Variants in EPHA7 observed in about 807,000 individuals in gnomAD.
EPHA7 encodes ephrin type-A receptor 7.
Under a neutral mutation model 112.6 loss-of-function variants are expected in EPHA7, and 25 were observed. The observed-to-expected ratio is 0.22, with a 90% CI of 0.16 to 0.31. EPHA7 has a LOEUF of 0.31. EPHA7 is among the 10% of genes least tolerant of loss of function. The pLI is 1.00. For synonymous variants in EPHA7, 437 were observed against 406.5 expected (o/e 1.07, Z -0.90); for missense variants, 962 against 1,212.6 (o/e 0.79, Z 3.07).
At chr6:93,246,676 T>G (rs1769966163) in intron 15 of EPHA7, 116 bp downstream of exon 15, 1 of 783,674 alleles carries the variant, frequency 1.3e-6, no homozygotes, top group Non-Finnish European at 2.0e-6. Flanking sequence ...ACATTTAATA[T>G]GAGTTTATAC....
chr6:93,272,605 C>A (rs955959815), intron 5 of EPHA7, among the ~76,000 whole-genome samples, 183 bp from the exon 6 acceptor site: 1 of 151,758 alleles, frequency 6.6e-6, no homozygotes, highest in Admixed American at 6.6e-5. Context: ...GTTCATAAAC[C>A]TTAATAGAAA....
chr6:93,293,845 C>A (rs977070773), intron 5 of EPHA7, among the ~76,000 whole-genome samples: 1 of 152,110 alleles, frequency 6.6e-6, no homozygotes, highest in African/African-American at 2.4e-5. Context: ...TGATTCAGCC[C>A]TGGCATTGTA....
chr6:93,390,088 G>A (rs745339662), intron 3 of EPHA7, among the ~76,000 whole-genome samples: 9 of 151,820 alleles, frequency 5.9e-5, no homozygotes, highest in Non-Finnish European at 1.2e-4. Flanking sequence ...GCAGCATGCT[G>A]TCACTCAATG....
chr6:93,290,369 G>C (rs1159974562), intron 5 of EPHA7, among the ~76,000 whole-genome samples: 7 of 152,012 alleles, frequency 4.6e-5, no homozygotes, highest in Non-Finnish European at 7.4e-5. Context: ...AAACTGTATT[G>C]GCTCATATTC....
Position 93,410,879 on chromosome 6 carries a change from C to A in EPHA7, c.454G>T (p.Asp152Tyr). 1 of 1,614,090 alleles carries A rather than the reference C, an allele frequency of 6.2e-7. No homozygotes were observed. The highest frequency in any genetic ancestry group is 8.5e-7 in the Non-Finnish European group (1 of 1,179,964). The change falls in exon 3 of 17, where the codon GAT (aspartate) becomes TAT (tyrosine). Residue 152 changes from aspartate (D) to tyrosine (Y), a missense_variant. This residue lies in a region of EPHA7 where 160 missense variants were observed against 263.6 expected (regional missense o/e 0.61). Transcript: ENST00000369303. This position sits in a 1 kb window ranked among gnomAD's most constrained non-coding sequence, Gnocchi z 4.0. ...AGGTCACCTTGGGTAAAACTTTCAT[C>A]TGCAGCAATGGTGTCTATTTTTACA... ...LYVKIDTIAA[D>Y]ESFTQGDLGE... is the part of the protein sequence containing the mutation.
intron 5 of EPHA7, among the ~76,000 whole-genome samples, chr6:93,328,617 T>G (rs1774439508): frequency 6.6e-6 from 1 of 151,438 alleles, no homozygotes; most frequent in Admixed American, 6.6e-5. Flanking sequence ...CTTACCTGAC[T>G]TTATTATCTT....
chr6:93,379,023 A>G (rs1298397586), intron 3 of EPHA7, among the ~76,000 whole-genome samples: 1 of 152,176 alleles, frequency 6.6e-6, no homozygotes, highest in African/African-American at 2.4e-5. Context: ...ACAAACATAT[A>G]TTGAATATGG....
At chr6:93,394,029 T>G (rs1721392923) in intron 3 of EPHA7, among the ~76,000 whole-genome samples, 1 of 151,768 alleles carries the variant, frequency 6.6e-6, no homozygotes, top group Non-Finnish European at 1.5e-5. Flanking sequence ...CATTTCTGAG[T>G]GTATGTGTTT....
intron 5 of EPHA7, among the ~76,000 whole-genome samples, chr6:93,317,951 C>G (rs1047318391): frequency 6.6e-6 from 1 of 152,120 alleles, no homozygotes; most frequent in African/African-American, 2.4e-5. Flanking sequence ...TCATTCTCAC[C>G]TCAATACCTT....
In EPHA7 at chr6:93,358,327, C is replaced by A. The variant is rs768989326; in HGVS notation, c.917G>T (p.Gly306Val). 5.0e-6 allele frequency: 8 copies of A among 1,613,576 alleles called. No homozygotes were observed. Among genetic ancestry groups the A allele is most frequent in the East Asian group, 2.2e-5 (1 of 44,850 alleles). ...ATCTTCACATTCACATCTGGAGGAG[C>A]CTTCTTTATCAGAAAAACTGTGAGT... ...CPTHSFSDKE[G>V]SSRCECEDGY... The change falls in exon 4 of 17, where the codon GGC becomes GTC. Residue 306 changes from glycine to valine, a missense_variant. This residue lies in a region of EPHA7 where 746 missense variants were observed against 889.2 expected (regional missense o/e 0.84). Transcript: ENST00000369303.
intron 5 of EPHA7, among the ~76,000 whole-genome samples, chr6:93,344,111 C>T (rs911907296): frequency 8.6e-6 from 1 of 116,342 alleles, no homozygotes; most frequent in Non-Finnish European, 2.0e-5. Flanking sequence ...AGATATATGT[C>T]TATCTATCTA....
Position 93,256,034 on chromosome 6 carries a change from G to A in EPHA7, c.2176C>T (p.His726Tyr). The A allele has an allele frequency of 2.5e-6, 4 of 1,613,758 alleles. No homozygotes were observed. Among genetic ancestry groups the A allele is most frequent in the Non-Finnish European group, 2.5e-6 (3 of 1,179,902 alleles). ...NGALDAFLRK[H>Y]DGQFTVIQLV... ...TGAATGACTGTAAATTGCCCATCATGTTTCTGCAGGAAGACAAAAATAAAA... is the reference window on the plus strand; with the variant it reads ...TGAATGACTGTAAATTGCCCATCATATTTCTGCAGGAAGACAAAAATAAAA... Residue 726 changes from histidine (H) to tyrosine (Y), a missense_variant, in exon 13 of 17, where the codon CAT (histidine) becomes TAT (tyrosine). Around this residue, in one of 3 missense-constraint regions of EPHA7, gnomAD observed 746 missense variants for 889.2 expected, o/e 0.84. Coordinates refer to ENST00000369303, the MANE Select transcript of EPHA7 (RefSeq NM_004440.4).
rs950277166 is a variant in EPHA7, at chr6:93,367,297, T to C, written c.833-8886A>G. 5.4e-4 allele frequency among the ~76,000 whole-genome samples: 82 copies of C among 152,160 alleles called. 1 individual carries two copies. The highest frequency in any genetic ancestry group is 1.9e-4 in the Non-Finnish European group (13 of 68,014). Reference sequence around the variant, plus strand: ...CAATTTTCAATAGCATTTATGCCACTGCCAAGTTTATTTTCAAATTGTTCT... The same window carrying C: ...CAATTTTCAATAGCATTTATGCCACCGCCAAGTTTATTTTCAAATTGTTCT... On this transcript the variant is annotated intron_variant, in intron 3 of 16. Coordinates refer to ENST00000369303, the MANE Select transcript of EPHA7 (RefSeq NM_004440.4).
chr6:93,329,903 T>C lies in EPHA7; in HGVS notation c.1324+26814A>G, dbSNP rs1282569854. Among the ~76,000 whole-genome samples the C allele has an allele frequency of 2.0e-5, 3 of 151,236 alleles. No homozygotes were observed. The Admixed American group carries it at 2.0e-4, about 10-fold the overall frequency. ...GACTCATTCTTGGAGCAGAAGATAC[T>C]GAACAAGAATACTAATTAATTATTA... On this transcript the variant is annotated intron_variant, in intron 5 of 16. Transcript: ENST00000369303.
chr6:93,257,968 G>A, intron 11 of EPHA7, 131 bp downstream of exon 11: 1 of 863,674 alleles, frequency 1.2e-6, no homozygotes, highest in South Asian at 2.0e-5. Flanking sequence ...TTTTTGATTA[G>A]TTACATACCA....
At chr6:93,317,634 C>G (rs1354291895) in intron 5 of EPHA7, among the ~76,000 whole-genome samples, 3 of 152,176 alleles carry the variant, frequency 2.0e-5, no homozygotes, top group South Asian at 2.1e-4. Flanking sequence ...ATAATCACAA[C>G]AAGTTCAGAT....
chr6:93,418,581 C>A (rs988345572), intron 1 of EPHA7, among the ~76,000 whole-genome samples: 2 of 152,236 alleles, frequency 1.3e-5, no homozygotes, highest in East Asian at 3.9e-4. Context: ...GCGCAGCGCG[C>A]GCTGAATGGA....
chr6:93,314,995 T>C (rs943342078), intron 5 of EPHA7, among the ~76,000 whole-genome samples: 18 of 148,702 alleles, frequency 1.2e-4, no homozygotes, highest in Non-Finnish European at 2.7e-4. Context: ...CCCGAGTAGC[T>C]GGGACTACAG....
rs142176490 is a variant in EPHA7, at chr6:93,339,850, A to T, written c.1324+16867T>A. 3.7e-3 allele frequency among the ~76,000 whole-genome samples: 562 copies of T among 151,898 alleles called. 7 individuals are homozygous for T. Among genetic ancestry groups the T allele is most frequent in the Middle Eastern group, 0.02 (6 of 294 alleles). On this transcript the variant is annotated intron_variant, in intron 5 of 16. Transcript: ENST00000369303. ...CTTTGGGGAATGTTTCTGGTTAACAAATCATTCCTAAATACTAAACTGGAC... is the reference window on the plus strand; with the variant it reads ...CTTTGGGGAATGTTTCTGGTTAACATATCATTCCTAAATACTAAACTGGAC...
Sources: gnomAD v4.1 joint callset for allele counts (sites outside exome capture counted in the v4.1 genomes callset) on GRCh38, gnomAD v4.1.1 for gene constraint, gnomAD v4.1.1 regional missense constraint, Gnocchi (gnomAD v3.1) non-coding constraint, MANE v1.5 for transcripts, NCBI Gene and HGNC (gene_info 2026-07-23, HGNC 2026-07-21) for gene names.